The following ARHGEF10 variants were observed in gnomAD, a reference collection of about 807,000 sequenced individuals.
ARHGEF10 encodes the protein Rho guanine nucleotide exchange factor (GEF) 10.
In ARHGEF10, 140 loss-of-function variants were observed where a neutral mutation model predicts 147.4. The observed-to-expected ratio is 0.95, with a 90% CI of 0.83 to 1.09. ARHGEF10 has a LOEUF of 1.09. ARHGEF10 is among the 50% of genes least tolerant of loss of function. The probability of loss-of-function intolerance (pLI) is 0.00; values close to 1 mark genes in which losing one functional copy is unlikely to be tolerated. For synonymous variants in ARHGEF10, 902 were observed against 695.8 expected, an observed-to-expected ratio of 1.30 and a Z score of -4.67; for missense variants, 2,222 against 1,752.7, an observed-to-expected ratio of 1.27 and a Z score of -4.78.
rs373921275 is a variant in ARHGEF10 at position 1,858,059 on chromosome 8, C to T, written c.137C>T (p.Ala46Val). 1 of 1,614,030 alleles carries T rather than the reference C, an allele frequency of 6.2e-7. No individual in the cohort carries two copies. Among genetic ancestry groups the T allele is most frequent in the Admixed American group, 1.7e-5 (1 of 60,000 alleles). ...GDEIPEADRQ[A>V]PSAPETGGAG... ...GAAATCCCAGAAGCGGACAGACAGG[C>T]CCCATCCGCCCCTGAGACAGGAGGT... is the stretch of plus-strand genomic sequence containing the variant. The change falls in exon 3 of 29, where the codon GCC (alanine) becomes GTC (valine). Residue 46 changes from alanine to valine, a missense_variant. By Grantham distance (64) the Ala-to-Val change is moderately conservative. Transcript: ENST00000349830.
intron 11 of ARHGEF10, among the ~76,000 whole-genome samples, chr8:1,889,427 AG>A (rs1231165713): frequency 4.3e-5 from 2 of 46,428 alleles, no homozygotes; most frequent in African/African-American, 1.1e-4. Flanking sequence ...GAGTGGGGTG[AG>A]GGGTCTGTGA....
chr8:1,840,059 T>A (rs1183042322), intron 1 of ARHGEF10, among the ~76,000 whole-genome samples: 1 of 138,960 alleles, frequency 7.2e-6, no homozygotes, highest in African/African-American at 2.9e-5. Flanking sequence ...ATATGGGGAC[T>A]GTCTGGTGTG....
intron 1 of ARHGEF10, among the ~76,000 whole-genome samples, chr8:1,824,875 A>C (rs996909833): frequency 2.6e-3 from 5 of 1,942 alleles, no homozygotes; most frequent in Non-Finnish European, 3.5e-3. Flanking sequence ...CTGTCCCCCC[A>C]CACCCCACCA....
Position 1,928,581 on chromosome 8 carries a change from CG to C in ARHGEF10, c.2854del (p.Asp952ThrfsTer7), listed in dbSNP as rs1441239438. 2 of 1,614,110 alleles carry C rather than the reference CG, an allele frequency of 1.2e-6. No individual in the cohort carries two copies. Among genetic ancestry groups the C allele is most frequent in the East Asian group, 2.2e-5 (1 of 44,900 alleles). On this transcript the variant is annotated frameshift_variant, in exon 24 of 29. Coordinates refer to ENST00000349830, the MANE Select transcript of ARHGEF10 (RefSeq NM_014629.4). LOFTEE classifies it high-confidence loss of function. ...AAGCGCAGAGAGCCTGGGGCACCCC[CG>C]GACCCCGAGACCCCGGCCGTGAGAG... ...EEKRREPGAP[P>X]DPETPAVRAS... is the part of the protein sequence containing the mutation.
chr8:1,895,360 T>A (rs1054132715), intron 13 of ARHGEF10, among the ~76,000 whole-genome samples: 4 of 152,172 alleles, frequency 2.6e-5, no homozygotes, highest in African/African-American at 9.6e-5. Context: ...AGCTTGCAAG[T>A]TTTGAAAAAA....
intron 6 of ARHGEF10, 27 bp from the exon 7 acceptor site, chr8:1,869,167 T>C (rs769444649): frequency 9.3e-6 from 15 of 1,604,856 alleles, no homozygotes. Context: ...GGTCACTGTT[T>C]AAAGTGTTTC....
At chr8:1,939,797 T>C (rs546603281) in intron 26 of ARHGEF10, among the ~76,000 whole-genome samples, 5 of 152,338 alleles carry the variant, frequency 3.3e-5, no homozygotes, top group Non-Finnish European at 7.4e-5. Flanking sequence ...GTCCTGTCAC[T>C]GGCTCAGCTC....
intron 27 of ARHGEF10, among the ~76,000 whole-genome samples, chr8:1,950,215 C>T (rs903590058): frequency 6.6e-6 from 1 of 152,214 alleles, no homozygotes; most frequent in African/African-American, 2.4e-5. Context: ...ACTCCCGGGA[C>T]CCAGCCCCAT....
chr8:1,906,546 A>G (rs1252905868), intron 17 of ARHGEF10, among the ~76,000 whole-genome samples: 2 of 152,136 alleles, frequency 1.3e-5, no homozygotes, highest in African/African-American at 2.4e-5. Flanking sequence ...CCCATTTTCC[A>G]GCGGCCAGAT....
intron 11 of ARHGEF10, among the ~76,000 whole-genome samples, chr8:1,891,822 C>T (rs962921944): frequency 2.0e-5 from 3 of 152,008 alleles, no homozygotes; most frequent in Non-Finnish European, 4.4e-5. Context: ...ACTGACATCA[C>T]GTGCAGTAGC....
chr8:1,829,944 A>G (rs1802987765), intron 1 of ARHGEF10, among the ~76,000 whole-genome samples: 1 of 152,210 alleles, frequency 6.6e-6, no homozygotes, highest in South Asian at 2.1e-4. Context: ...TTGCCAGCTG[A>G]TGAAAATATC....
intron 22 of ARHGEF10, 78 bp from the exon 23 acceptor site, chr8:1,926,299 T>C: frequency 8.6e-7 from 1 of 1,160,558 alleles, no homozygotes. Flanking sequence ...AAGTAAGTCA[T>C]CCATTTAAGA....
At chr8:1,825,990 A>T in intron 1 of ARHGEF10, 1 of 772,088 alleles carries the variant, frequency 1.3e-6, no homozygotes. Context: ...ATGATTACTG[A>T]GGTTTACACG....
At chr8:1,862,569 A>C (rs1457706083) in intron 4 of ARHGEF10, among the ~76,000 whole-genome samples, 1 of 152,186 alleles carries the variant, frequency 6.6e-6, no homozygotes, top group African/African-American at 2.4e-5. Flanking sequence ...GGAGGAAAGA[A>C]GAGTTTCCTG....
intron 16 of ARHGEF10, chr8:1,903,947 T>C (rs1004899273): frequency 1.5e-5 from 3 of 201,026 alleles, no homozygotes; most frequent in Non-Finnish European, 3.0e-5. Context: ...AAAAAAAAAA[T>C]AGCTGGGCAC....
At position 1,866,152 on chromosome 8, in the gene ARHGEF10, C is replaced by T. The variant is rs1482432353; in HGVS notation, c.546-374C>T. Among the ~76,000 whole-genome samples, 5 of 152,164 alleles carry T rather than the reference C, an allele frequency of 3.3e-5. No homozygotes were observed. The East Asian group carries it at 5.8e-4, about 18-fold the overall frequency. ...CTGGACATGGAGACGGCCCATTGCC[C>T]GCTGGCATCTCTCCCACCCAGCGTT... On this transcript the variant is annotated intron_variant, in intron 5 of 28. Coordinates refer to ENST00000349830, the MANE Select transcript of ARHGEF10 (RefSeq NM_014629.4).
chr8:1,933,631 G>T lies in ARHGEF10; in HGVS notation c.3080-169G>T, dbSNP rs575465588. 4.3e-4 allele frequency among the ~76,000 whole-genome samples: 66 copies of T among 152,216 alleles called. 1 individual carries two copies. The highest frequency in any genetic ancestry group is 1.0e-3 in the Admixed American group (16 of 15,298). On this transcript the variant is annotated intron_variant, in intron 25 of 28. Transcript: ENST00000349830. The stretch of plus-strand genomic sequence containing the variant: ...CCGACTGTGCACCATGGCCCAACTG[G>T]GGTGGGTGTCAGCTTGTCGATCCCC...
chr8:1,898,891 C>T (rs966094024), intron 15 of ARHGEF10, among the ~76,000 whole-genome samples: 1 of 152,200 alleles, frequency 6.6e-6, no homozygotes, highest in African/African-American at 2.4e-5. Context: ...TCCAGTGTGT[C>T]TGTGTCTGGT....
intron 21 of ARHGEF10, among the ~76,000 whole-genome samples, chr8:1,924,863 T>G (rs1165284881): frequency 6.6e-6 from 1 of 152,266 alleles, no homozygotes; most frequent in East Asian, 1.9e-4. Flanking sequence ...CATTTTGTTG[T>G]ACTTTTGTTT....
Sources: gnomAD v4.1 joint callset for allele counts (sites outside exome capture counted in the v4.1 genomes callset) on GRCh38, gnomAD v4.1.1 for gene constraint, MANE v1.5 for transcripts, NCBI Gene and HGNC (gene_info 2026-07-23, HGNC 2026-07-21) for gene names.